The following IQGAP2 variants were observed in gnomAD, a reference collection of about 807,000 sequenced individuals.
IQGAP2 encodes the protein IQ motif containing GTPase activating protein 2.
IQGAP2 carries 173 observed loss-of-function variants against 201.3 expected under a neutral mutation model. The observed-to-expected ratio is 0.86, with a 90% CI of 0.76 to 0.98. The LOEUF is 0.98. Among genes scored for constraint, IQGAP2 ranks in the 50% least tolerant of loss-of-function variants. The pLI, the probability that IQGAP2 is intolerant of heterozygous loss-of-function variation, is 0.00. For synonymous variants in IQGAP2, 675 were observed against 673.9 expected, an observed-to-expected ratio of 1.00 and a Z score of -0.03; for missense variants, 1,687 against 1,864.8, an observed-to-expected ratio of 0.90 and a Z score of 1.76.
intron 32 of IQGAP2, among the ~76,000 whole-genome samples, chr5:76,696,789 A>G (rs1396649650): frequency 6.6e-6 from 1 of 152,230 alleles, no homozygotes; most frequent in Non-Finnish European, 1.5e-5. Context: ...GCTTTAAAAA[A>G]GAAAAAGGCT....
At chr5:76,463,120 C>CT (rs1199588046) in intron 2 of IQGAP2, among the ~76,000 whole-genome samples, 2 of 54,634 alleles carry the variant, frequency 3.7e-5, no homozygotes, top group Non-Finnish European at 3.3e-5. Context: ...GAGACGCTGT[C>CT]TTTAAAAAAA....
intron 2 of IQGAP2, among the ~76,000 whole-genome samples, chr5:76,505,731 A>C (rs1757576688): frequency 6.6e-6 from 1 of 152,064 alleles, no homozygotes; most frequent in African/African-American, 2.4e-5. Context: ...GCTCTTATTC[A>C]GTCTGCTTCA....
At chr5:76,618,255 G>C in intron 13 of IQGAP2, 1 of 1,614,182 alleles carries the variant, frequency 6.2e-7, no homozygotes, top group South Asian at 1.1e-5. Flanking sequence ...GAGATGATAA[G>C]CTATCTTAAA....
intron 2 of IQGAP2, among the ~76,000 whole-genome samples, chr5:76,490,277 A>G (rs936417058): frequency 4.6e-5 from 7 of 152,192 alleles, no homozygotes; most frequent in African/African-American, 1.4e-4. Flanking sequence ...AGGAGCTTGC[A>G]TATCTAACAA....
chr5:76,693,409 A>G lies in IQGAP2; in HGVS notation c.3960A>G (p.Thr1320=). 1.2e-6 allele frequency: 2 copies of G among 1,613,718 alleles called. No individual in the cohort carries two copies. The highest frequency in any genetic ancestry group is 1.7e-6 in the Non-Finnish European group (2 of 1,179,602). ...VIRNQPGNTL[T]EILETPATAQ... ...GGAACCAGCCAGGGAACACATTGAC[A>G]GAAATCTTAGAGACACCAGCAACTG... is the stretch of plus-strand genomic sequence containing the variant. Residue 1320 remains threonine, a synonymous_variant, in exon 31 of 36, where the codon ACA becomes ACG. Coordinates refer to ENST00000274364, the MANE Select transcript of IQGAP2 (RefSeq NM_006633.5).
chr5:76,446,091 C>T lies in IQGAP2; in HGVS notation c.47-15479C>T, dbSNP rs138006521. On this transcript the variant is annotated intron_variant, in intron 1 of 35. Coordinates refer to ENST00000274364, the MANE Select transcript of IQGAP2 (RefSeq NM_006633.5). The stretch of plus-strand genomic sequence containing the variant: ...CATTTTGCTTATCTGCTTGTCTGTT[C>T]GTGGACTCTTGAGTTGCTTCTTCCT... Among the ~76,000 whole-genome samples the T allele has an allele frequency of 4.7e-3, 708 of 152,216 alleles. 5 individuals are homozygous for T. Among genetic ancestry groups the T allele is most frequent in the African/African-American group, 0.016 (650 of 41,544 alleles).
chr5:76,676,215 A>G (rs562711397), intron 27 of IQGAP2, among the ~76,000 whole-genome samples: 9 of 152,368 alleles, frequency 5.9e-5, no homozygotes, highest in African/African-American at 2.2e-4. Flanking sequence ...TTATTTAAAA[A>G]GAAACAAGAC....
chr5:76,523,096 T>C (rs1042002459), intron 2 of IQGAP2, among the ~76,000 whole-genome samples: 1 of 146,978 alleles, frequency 6.8e-6, no homozygotes, highest in African/African-American at 2.5e-5. Flanking sequence ...TTTTTTTTTT[T>C]TTCTGTGAGG....
chr5:76,451,393 G>C (rs935834783), intron 1 of IQGAP2, among the ~76,000 whole-genome samples: 1 of 152,080 alleles, frequency 6.6e-6, no homozygotes, highest in Non-Finnish European at 1.5e-5. Flanking sequence ...TCACTGTCCA[G>C]GTTAGGTTCC....
At chr5:76,700,234 A>T (rs1747244882) in intron 33 of IQGAP2, among the ~76,000 whole-genome samples, 2 of 152,272 alleles carry the variant, frequency 1.3e-5, no homozygotes, top group East Asian at 3.9e-4. Flanking sequence ...ATGTCGTGTG[A>T]TCTTGAGCCC....
chr5:76,497,877 T>C (rs1757073206), intron 2 of IQGAP2, among the ~76,000 whole-genome samples: 1 of 152,182 alleles, frequency 6.6e-6, no homozygotes, highest in African/African-American at 2.4e-5. Context: ...GGAACCTTTT[T>C]TTCTGCTGTA....
intron 6 of IQGAP2, 71 bp from the exon 7 acceptor site, chr5:76,589,544 A>T (rs1746497720): frequency 3.8e-6 from 3 of 784,018 alleles, no homozygotes; most frequent in Non-Finnish European, 6.1e-6. Context: ...ATATGATTGT[A>T]CTCATTCCTG....
chr5:76,630,594 A>T (rs1290954692), intron 14 of IQGAP2, among the ~76,000 whole-genome samples: 4 of 152,194 alleles, frequency 2.6e-5, no homozygotes, highest in African/African-American at 7.2e-5. Flanking sequence ...AATATCTTTT[A>T]AGGAAAATTG....
At chr5:76,450,223 A>G (rs561516709) in intron 1 of IQGAP2, among the ~76,000 whole-genome samples, 1 of 152,320 alleles carries the variant, frequency 6.6e-6, no homozygotes, top group Non-Finnish European at 1.5e-5. Context: ...CACGGGTTGT[A>G]TACATTATCT....
At chr5:76,610,050 T>TTCTCTCTCTCTC (rs71604297) in intron 12 of IQGAP2, among the ~76,000 whole-genome samples, 205 of 19,034 alleles carry the variant, frequency 0.011, 39 homozygotes, top group South Asian at 0.018. Flanking sequence ...TGTTCTCTCT[T>TTCTCTCTCTCTC]TCTCTCTCTC....
intron 14 of IQGAP2, among the ~76,000 whole-genome samples, chr5:76,631,396 T>C (rs1238119002): frequency 6.6e-6 from 1 of 152,166 alleles, no homozygotes; most frequent in Non-Finnish European, 1.5e-5. Context: ...TTAGGTTGTT[T>C]TTGACAATCT....
chr5:76,699,738 A>T (rs13176437), intron 33 of IQGAP2, among the ~76,000 whole-genome samples: 945 of 7,292 alleles, frequency 0.13, 52 homozygotes, highest in African/African-American at 0.15. Flanking sequence ...TCTCTCTCTC[A>T]CTCTCACTCT....
intron 2 of IQGAP2, among the ~76,000 whole-genome samples, chr5:76,531,771 C>T (rs1489576824): frequency 2.0e-5 from 3 of 152,250 alleles, no homozygotes; most frequent in Non-Finnish European, 4.4e-5. Flanking sequence ...CCACTCAATA[C>T]TTCTTCCCTT....
At position 76,613,692 on chromosome 5, in the gene IQGAP2, T is replaced by C. The variant is rs1465337061; in HGVS notation, c.1521+2509T>C. Reference sequence around the variant, plus strand: ...AAGTAAGGGGCGAGTGATGTCAGTATCTTAAGGTTCTTTTTTTTGTGAGGT... The same window carrying C: ...AAGTAAGGGGCGAGTGATGTCAGTACCTTAAGGTTCTTTTTTTTGTGAGGT... On this transcript the variant is annotated intron_variant, in intron 13 of 35. Transcript: ENST00000274364. 2.0e-5 allele frequency among the ~76,000 whole-genome samples: 3 copies of C among 152,086 alleles called. No homozygotes were observed. The East Asian group carries it at 5.8e-4, about 29-fold the overall frequency.
Sources: allele counts gnomAD v4.1 joint callset (sites outside exome capture counted in the v4.1 genomes callset), GRCh38; gene constraint gnomAD v4.1.1; transcripts MANE v1.5; gene names NCBI Gene and HGNC (gene_info 2026-07-23, HGNC 2026-07-21).